ARHGAP24: variants seen among roughly 807,000 people sequenced by gnomAD.
ARHGAP24 encodes the protein rho GTPase-activating protein 24.
Under a neutral mutation model 76.4 loss-of-function variants are expected in ARHGAP24, and 50 were observed. The ratio of observed to expected loss-of-function variants is 0.65; its 90% CI spans 0.52 to 0.83. The LOEUF is 0.83. Ranked by LOEUF, ARHGAP24 falls within the 40% of genes least tolerant of loss-of-function variation. The pLI, the probability that ARHGAP24 is intolerant of heterozygous loss-of-function variation, is 0.00. For missense variants in ARHGAP24, 930 were observed against 914.2 expected (o/e 1.02, Z -0.22); for synonymous variants, 345 against 323.3 (o/e 1.07, Z -0.72).
At chr4:85,781,969 G>A (rs1560629975) in intron 3 of ARHGAP24, among the ~76,000 whole-genome samples, 2 of 147,064 alleles carry the variant, frequency 1.4e-5, no homozygotes, top group South Asian at 2.2e-4. Flanking sequence ...CCTGGTAGGC[G>A]GAGGTTTCAG....
At chr4:85,590,604 C>T (rs542393045) in intron 2 of ARHGAP24, among the ~76,000 whole-genome samples, 2 of 152,196 alleles carry the variant, frequency 1.3e-5, no homozygotes, top group South Asian at 2.1e-4. Flanking sequence ...AGGTGATCCA[C>T]CTGCCTTGGC....
intron 2 of ARHGAP24, among the ~76,000 whole-genome samples, chr4:85,633,577 GTTC>G (rs1489473754): frequency 6.6e-6 from 1 of 151,778 alleles, no homozygotes; most frequent in Admixed American, 6.6e-5. Context: ...TGCCAAGAAA[GTTC>G]TTCTAGCGGA....
chr4:85,784,722 T>C (rs1727723993), intron 3 of ARHGAP24, among the ~76,000 whole-genome samples: 2 of 152,072 alleles, frequency 1.3e-5, no homozygotes, highest in Admixed American at 6.6e-5. Context: ...CATCACTTTT[T>C]ATACAACCAG....
intron 3 of ARHGAP24, among the ~76,000 whole-genome samples, chr4:85,795,634 G>A (rs1304963909): frequency 6.6e-6 from 1 of 152,036 alleles, no homozygotes; most frequent in Non-Finnish European, 1.5e-5. Context: ...TAGTATCTTT[G>A]AGAGACCTTA....
intron 2 of ARHGAP24, among the ~76,000 whole-genome samples, chr4:85,656,993 A>G (rs1033440122): frequency 1.1e-4 from 16 of 152,178 alleles, no homozygotes; most frequent in African/African-American, 3.9e-4. Context: ...ATAGTGAAAA[A>G]TAGAGTCAAA....
intron 3 of ARHGAP24, among the ~76,000 whole-genome samples, chr4:85,914,818 G>C (rs367833560): frequency 6.6e-6 from 1 of 152,116 alleles, no homozygotes; most frequent in East Asian, 1.9e-4. Flanking sequence ...TTTGCTACCT[G>C]TTGTGGATTA....
Position 86,000,702 on chromosome 4 carries a change from AAC to A in ARHGAP24, c.2231_2232del (p.Thr744AsnfsTer27), listed in dbSNP as rs1475288056. ...TVEPRRTERG[N>X]TIWIQ ...GGAACCCAGGAGAACCGAGAGAGGA[AAC>A]ACAATATGGATTCAGTGAGCCTGCT... On this transcript the variant is annotated frameshift_variant, in exon 10 of 10. Coordinates refer to ENST00000395184, the MANE Select transcript of ARHGAP24 (RefSeq NM_001025616.3). LOFTEE classifies it high-confidence loss of function. The A allele has an allele frequency of 1.9e-6, 3 of 1,613,792 alleles. No homozygotes were observed. Among genetic ancestry groups the A allele is most frequent in the African/African-American group, 2.7e-5 (2 of 74,920 alleles).
intron 3 of ARHGAP24, among the ~76,000 whole-genome samples, chr4:85,770,504 TGCC>T (rs1383939303): frequency 1.3e-5 from 2 of 152,214 alleles, no homozygotes; most frequent in African/African-American, 4.8e-5. Flanking sequence ...TGTCAATAAC[TGCC>T]TGTTTTAATT....
chr4:85,627,872 G>A (rs1216459577), intron 2 of ARHGAP24, among the ~76,000 whole-genome samples: 5 of 152,294 alleles, frequency 3.3e-5, no homozygotes, highest in East Asian at 1.9e-4. Context: ...AGGACCCTCC[G>A]AGCCAGGTGC....
intron 2 of ARHGAP24, among the ~76,000 whole-genome samples, chr4:85,674,882 G>C (rs368298126): frequency 6.6e-6 from 1 of 152,042 alleles, no homozygotes; most frequent in South Asian, 2.1e-4. Flanking sequence ...TGGATTATGG[G>C]GACAAAAACA....
At chr4:85,883,539 G>C (rs532285866) in intron 3 of ARHGAP24, among the ~76,000 whole-genome samples, 9 of 152,214 alleles carry the variant, frequency 5.9e-5, no homozygotes, top group African/African-American at 1.9e-4. Flanking sequence ...GCATGTGCAG[G>C]GGGTAGAGTA....
intron 2 of ARHGAP24, among the ~76,000 whole-genome samples, chr4:85,628,279 G>A (rs978236123): frequency 3.3e-5 from 5 of 152,166 alleles, no homozygotes; most frequent in African/African-American, 9.6e-5. Context: ...TAGTTTTTCT[G>A]TATCAGAATT....
At chr4:85,910,523 C>A (rs1174741369) in intron 3 of ARHGAP24, among the ~76,000 whole-genome samples, 1 of 152,140 alleles carries the variant, frequency 6.6e-6, no homozygotes, top group Admixed American at 6.5e-5. Context: ...GTGTTCAGCT[C>A]CTAGCAGAGA....
chr4:85,694,696 C>G (rs1044999741), intron 2 of ARHGAP24, among the ~76,000 whole-genome samples: 2 of 152,066 alleles, frequency 1.3e-5, no homozygotes, highest in Non-Finnish European at 1.5e-5. Context: ...TTTTACATAA[C>G]AGATATATAC....
rs550595964 is a variant in ARHGAP24, at chr4:85,965,316, C to A, written c.600-6720C>A. 2.9e-3 allele frequency among the ~76,000 whole-genome samples: 447 copies of A among 152,158 alleles called. 1 individual carries two copies. Among genetic ancestry groups the A allele is most frequent in the Non-Finnish European group, 5.3e-3 (359 of 68,004 alleles). On this transcript the variant is annotated intron_variant, in intron 5 of 9. Coordinates refer to ENST00000395184, the MANE Select transcript of ARHGAP24 (RefSeq NM_001025616.3). ...GTCCCATTCACTATCATGAGAACAG[C>A]ACAGGAAAGACCAGCCCCCATGATT...
At chr4:85,534,405 C>A (rs1725384370) in intron 1 of ARHGAP24, among the ~76,000 whole-genome samples, 1 of 152,118 alleles carries the variant, frequency 6.6e-6, no homozygotes, top group Non-Finnish European at 1.5e-5. Context: ...TAGAAAGTGG[C>A]TGGGCTGGCA....
rs575611255 is a variant in ARHGAP24, at chr4:85,498,981, G to A, written c.-21+23422G>A. Among the ~76,000 whole-genome samples the A allele has an allele frequency of 2.2e-4, 33 of 152,132 alleles. No individual in the cohort carries two copies. The South Asian group carries it at 6.9e-3, about 32-fold the overall frequency. ...TTAGAATTTCACTGTATAAACTAGT[G>A]TCATCCATGAGATTAGAGAAGAAAC... On this transcript the variant is annotated intron_variant, in intron 1 of 9. Transcript: ENST00000395184.
intron 3 of ARHGAP24, among the ~76,000 whole-genome samples, chr4:85,886,552 A>C (rs1253461704): frequency 6.6e-6 from 1 of 152,174 alleles, no homozygotes; most frequent in African/African-American, 2.4e-5. Flanking sequence ...AGGCCACCCA[A>C]ACTTACGGAG....
intron 2 of ARHGAP24, among the ~76,000 whole-genome samples, chr4:85,593,120 A>G (rs1297280386): frequency 1.3e-5 from 2 of 152,002 alleles, no homozygotes; most frequent in African/African-American, 2.4e-5. Context: ...ACCATTTGTT[A>G]TTGCCTGTCT....
Sources: allele counts gnomAD v4.1 joint callset (sites outside exome capture counted in the v4.1 genomes callset), GRCh38; gene constraint gnomAD v4.1.1; transcripts MANE v1.5; gene names NCBI Gene and HGNC (gene_info 2026-07-23, HGNC 2026-07-21).